Variants in FYN observed in about 807,000 individuals in gnomAD.
FYN encodes tyrosine-protein kinase Fyn.
Under a neutral mutation model 70.2 loss-of-function variants are expected in FYN, and 10 were observed. The observed-to-expected ratio is 0.14, with a 90% CI of 0.09 to 0.24. The LOEUF is 0.24. FYN is among the 10% of genes least tolerant of loss of function. FYN has a pLI of 1.00. For synonymous variants in FYN, 236 were observed against 248.6 expected, an observed-to-expected ratio of 0.95 and a Z score of 0.48; for missense variants, 319 against 673.1, an observed-to-expected ratio of 0.47 and a Z score of 5.82.
chr6:111,847,511 G>A (rs903338654), intron 1 of FYN, among the ~76,000 whole-genome samples: 1 of 152,174 alleles, frequency 6.6e-6, no homozygotes, highest in Admixed American at 6.5e-5. Flanking sequence ...AGAGAGCTTT[G>A]AGTTAAGAAA....
intron 3 of FYN, among the ~76,000 whole-genome samples, chr6:111,748,741 T>C (rs182608464): frequency 1.5e-3 from 231 of 152,332 alleles, no homozygotes; most frequent in Non-Finnish European, 2.9e-3. Flanking sequence ...TTTTAAAATA[T>C]GATTACATGT....
At chr6:111,807,709 A>G (rs1772192471) in intron 2 of FYN, among the ~76,000 whole-genome samples, 1 of 152,190 alleles carries the variant, frequency 6.6e-6, no homozygotes. Flanking sequence ...CCAAATGAAT[A>G]GGTTGGGAGG....
chr6:111,825,962 T>C (rs1272273547), intron 2 of FYN, among the ~76,000 whole-genome samples: 1 of 152,202 alleles, frequency 6.6e-6, no homozygotes, highest in Non-Finnish European at 1.5e-5. Context: ...TGGGTGGGTC[T>C]GGATACATTA....
chr6:111,743,086 C>T (rs1395068065), intron 3 of FYN, among the ~76,000 whole-genome samples: 1 of 151,922 alleles, frequency 6.6e-6, no homozygotes, highest in Non-Finnish European at 1.5e-5. Context: ...CCTGCCTCAG[C>T]CTCCCGAGTA....
intron 6 of FYN, among the ~76,000 whole-genome samples, chr6:111,704,519 C>T (rs750870311): frequency 1.3e-5 from 2 of 152,018 alleles, no homozygotes; most frequent in East Asian, 3.9e-4. Context: ...TTTGGGAGGC[C>T]GAGGTGGGCA....
intron 2 of FYN, among the ~76,000 whole-genome samples, chr6:111,789,513 G>C (rs1771530546): frequency 6.6e-6 from 1 of 152,014 alleles, no homozygotes; most frequent in Non-Finnish European, 1.5e-5. Context: ...CAGTTTATTT[G>C]GGGAATAAAT....
In FYN at chr6:111,700,913, C is replaced by T. The variant is rs551319765; in HGVS notation, c.698-645G>A. 6.6e-5 allele frequency among the ~76,000 whole-genome samples: 10 copies of T among 151,562 alleles called. No individual in the cohort carries two copies. In the East Asian group the frequency reaches 1.7e-3, roughly 26 times the overall value. ...AAGAAGTAACTTTTTTTAGTGATTTCTTCGCTTTCTAACTGATTCCATTCC... is the reference window on the plus strand; with the variant it reads ...AAGAAGTAACTTTTTTTAGTGATTTTTTCGCTTTCTAACTGATTCCATTCC... On this transcript the variant is annotated intron_variant, in intron 8 of 13. Transcript: ENST00000354650.
At chr6:111,699,938 T>TTTTTG in intron 9 of FYN, 166 bp downstream of exon 9, 1 of 435,962 alleles carries the variant, frequency 2.3e-6, no homozygotes, top group East Asian at 4.7e-5. Flanking sequence ...TTTTTTTTTT[T>TTTTTG]AGGAATTCCA....
intron 2 of FYN, among the ~76,000 whole-genome samples, chr6:111,799,102 T>C (rs1234023529): frequency 6.6e-6 from 1 of 152,246 alleles, no homozygotes; most frequent in Non-Finnish European, 1.5e-5. Flanking sequence ...AGTTCAATTA[T>C]GATGAGCACT....
At chr6:111,871,503 C>T (rs1447251778) in intron 1 of FYN, among the ~76,000 whole-genome samples, 1 of 152,156 alleles carries the variant, frequency 6.6e-6, no homozygotes, top group Admixed American at 6.5e-5. Flanking sequence ...AACTCTAGAC[C>T]GTTTTATCCA....
chr6:111,706,022 G>C (rs1422302597), intron 6 of FYN, among the ~76,000 whole-genome samples: 1 of 152,208 alleles, frequency 6.6e-6, no homozygotes, highest in Non-Finnish European at 1.5e-5. Flanking sequence ...CAGTCAAAAA[G>C]CATGCCCTTA....
At chr6:111,807,807 T>C (rs1312287296) in intron 2 of FYN, among the ~76,000 whole-genome samples, 1 of 152,110 alleles carries the variant, frequency 6.6e-6, no homozygotes, top group African/African-American at 2.4e-5. Flanking sequence ...TAGAACACCC[T>C]GCTATTAAAG....
At chr6:111,749,668 T>C (rs1802399273) in intron 3 of FYN, among the ~76,000 whole-genome samples, 1 of 152,236 alleles carries the variant, frequency 6.6e-6, no homozygotes, top group Admixed American at 6.5e-5. Flanking sequence ...AATTATATAC[T>C]TTTTGCATGA....
chr6:111,687,063 G>A (rs999481346), intron 12 of FYN, among the ~76,000 whole-genome samples: 1 of 152,190 alleles, frequency 6.6e-6, no homozygotes, highest in African/African-American at 2.4e-5. Context: ...TCTAAAATCT[G>A]ATTATATTTA....
intron 2 of FYN, among the ~76,000 whole-genome samples, chr6:111,803,366 C>T (rs1772049726): frequency 6.6e-6 from 1 of 152,024 alleles, no homozygotes; most frequent in Admixed American, 6.6e-5. Context: ...AAGGTTTTAC[C>T]CCACAATCTT....
At chr6:111,834,241 G>C (rs1404143607) in intron 2 of FYN, among the ~76,000 whole-genome samples, 1 of 151,950 alleles carries the variant, frequency 6.6e-6, no homozygotes, top group Non-Finnish European at 1.5e-5. Context: ...AACTCACAGG[G>C]GCTTCCAAGC....
chr6:111,822,390 A>G (rs1229925904), intron 2 of FYN, among the ~76,000 whole-genome samples: 1 of 152,064 alleles, frequency 6.6e-6, no homozygotes, highest in Non-Finnish European at 1.5e-5. Context: ...ACAAAAAACC[A>G]AACACCGCAT....
At chr6:111,703,081 A>G (rs1187869689) in intron 7 of FYN, 47 bp from the exon 8 acceptor site, 1 of 1,590,564 alleles carries the variant, frequency 6.3e-7, no homozygotes, top group South Asian at 1.1e-5. Flanking sequence ...TTAGAGTATC[A>G]GCTTGCTTTT....
intron 3 of FYN, among the ~76,000 whole-genome samples, chr6:111,732,892 C>T (rs1291348077): frequency 6.6e-6 from 1 of 152,118 alleles, no homozygotes; most frequent in Non-Finnish European, 1.5e-5. Context: ...AGCTGCTCGT[C>T]TACCCGAAAG....
Sources: allele counts gnomAD v4.1 joint callset (sites outside exome capture counted in the v4.1 genomes callset), GRCh38; gene constraint gnomAD v4.1.1; transcripts MANE v1.5; gene names NCBI Gene and HGNC (gene_info 2026-07-23, HGNC 2026-07-21).